DCDC1: variants seen among roughly 807,000 people sequenced by gnomAD.
The protein encoded by DCDC1 is doublecortin domain containing 1.
Under a neutral mutation model 178.3 loss-of-function variants are expected in DCDC1, and 200 were observed. The observed-to-expected ratio is 1.12, with a 90% CI of 1.00 to 1.26. The LOEUF is 1.26. Ranked by LOEUF, DCDC1 falls within the 50% of genes most tolerant of loss-of-function variation. The probability of loss-of-function intolerance (pLI) is 0.00; values close to 1 mark genes in which losing one functional copy is unlikely to be tolerated. For synonymous variants in DCDC1, 690 were observed against 604.8 expected (o/e 1.14, Z -2.07); for missense variants, 1,983 against 1,749.2 (o/e 1.13, Z -2.38).
intron 20 of DCDC1, among the ~76,000 whole-genome samples, chr11:31,019,737 C>T (rs1590781774): frequency 6.6e-6 from 1 of 152,298 alleles, no homozygotes; most frequent in East Asian, 1.9e-4. Context: ...ATATCCAGAT[C>T]TCCATGCTCA....
At chr11:31,160,484 T>C (rs1966211727) in intron 9 of DCDC1, among the ~76,000 whole-genome samples, 1 of 152,182 alleles carries the variant, frequency 6.6e-6, no homozygotes, top group African/African-American at 2.4e-5. Flanking sequence ...GTTTTCATGC[T>C]AGATCATCTG....
chr11:31,302,286 C>A (rs981506197), intron 6 of DCDC1, among the ~76,000 whole-genome samples: 22 of 152,270 alleles, frequency 1.4e-4, no homozygotes, highest in East Asian at 7.7e-4. Context: ...GAACTGAACT[C>A]TTATAAACCC....
intron 2 of DCDC1, among the ~76,000 whole-genome samples, chr11:31,331,865 T>C (rs1182221705): frequency 6.6e-6 from 1 of 152,060 alleles, no homozygotes; most frequent in Non-Finnish European, 1.5e-5. Context: ...CTCTGTCAGG[T>C]TTTGGTATCA....
At chr11:31,358,422 T>C (rs901915632) in intron 1 of DCDC1, among the ~76,000 whole-genome samples, 2 of 151,928 alleles carry the variant, frequency 1.3e-5, no homozygotes, top group African/African-American at 4.8e-5. Flanking sequence ...CCTTACACCT[T>C]ATACAAAAAT....
rs777960531 is a variant in DCDC1 at position 30,903,697 on chromosome 11, G to A, written c.4309-14C>T. ...TTCTGTAAGAAGCTAGATAACACAG[G>A]CAGTAAGGATCTGACAGGCAAAGGT... On this transcript the variant is annotated splice_polypyrimidine_tract_variant and intron_variant, in intron 31 of 38. Coordinates refer to ENST00000684477, the MANE Select transcript of DCDC1 (RefSeq NM_001387274.1). 6.4e-7 allele frequency: 1 copy of A among 1,574,620 alleles called. No homozygotes were observed. Among genetic ancestry groups the A allele is most frequent in the South Asian group, 1.2e-5 (1 of 83,182 alleles).
rs754570496 is a variant in DCDC1 at position 31,077,929 on chromosome 11, T to C, written c.2238-4A>G. On this transcript the variant is annotated splice_polypyrimidine_tract_variant and splice_region_variant and intron_variant, in intron 17 of 38. Transcript: ENST00000684477. ...CTGAGAGTCATCTCCACTATGTCTG[T>C]AACGAAAATGTAATTTAGAGATTGA... 4 of 765,882 alleles carry C rather than the reference T, an allele frequency of 5.2e-6. No individual in the cohort carries two copies. The highest frequency in any genetic ancestry group is 7.2e-6 in the Non-Finnish European group (3 of 417,670). 47.4% of individuals were successfully genotyped at this position (765,882 alleles called of 1,614,324 possible).
At chr11:30,983,981 T>C (rs1950514969) in intron 20 of DCDC1, among the ~76,000 whole-genome samples, 1 of 152,212 alleles carries the variant, frequency 6.6e-6, no homozygotes, top group Non-Finnish European at 1.5e-5. Flanking sequence ...AAGACTGGGT[T>C]CTCCTTTATA....
At chr11:31,256,009 A>C (rs886715923) in intron 8 of DCDC1, among the ~76,000 whole-genome samples, 5 of 152,120 alleles carry the variant, frequency 3.3e-5, no homozygotes, top group Admixed American at 1.3e-4. Context: ...TTATGATGTG[A>C]AGTATGGGTC....
In DCDC1 at chr11:31,094,046, G is replaced by T. The variant is rs375510209; in HGVS notation, c.2118+4C>A. 6.5e-6 allele frequency: 5 copies of T among 765,976 alleles called. No individual in the cohort carries two copies. Among genetic ancestry groups the T allele is most frequent in the East Asian group, 2.4e-5 (1 of 41,208 alleles). 47.4% of individuals were successfully genotyped at this position (765,976 alleles called of 1,614,324 possible). A position where few individuals can be genotyped will look rare whatever the true frequency, so the allele number is the denominator to read the frequency against. Reference sequence around the variant, plus strand: ...ACTCAGCAAAAGCAGACACTCTTAGGTACCTTGGTGATCAGCCACACACTG... The same window carrying T: ...ACTCAGCAAAAGCAGACACTCTTAGTTACCTTGGTGATCAGCCACACACTG... On this transcript the variant is annotated splice_donor_region_variant and intron_variant, in intron 16 of 38. Coordinates refer to ENST00000684477, the MANE Select transcript of DCDC1 (RefSeq NM_001387274.1).
At chr11:31,040,128 CT>C (rs1954335630) in intron 20 of DCDC1, among the ~76,000 whole-genome samples, 1 of 150,926 alleles carries the variant, frequency 6.6e-6, no homozygotes, top group Non-Finnish European at 1.5e-5. Context: ...ATGGTCAAAA[CT>C]AAAAAAAAAT....
Position 30,878,623 on chromosome 11 carries a change from T to C in DCDC1, c.5322A>G (p.Pro1774=), listed in dbSNP as rs1321628605. ...GPQATDIVVS[P]STKLLSLAHL... Reference sequence around the variant, plus strand: ...GTGCCAGAGACAGCAGCTTCGTGGATGGTGACACCACAATGTCTGTGGCTT... The same window carrying C: ...GTGCCAGAGACAGCAGCTTCGTGGACGGTGACACCACAATGTCTGTGGCTT... The change falls in exon 38 of 39, where the codon CCA becomes CCG. Residue 1774 remains proline, a synonymous_variant. Transcript: ENST00000684477. 1.2e-6 allele frequency: 2 copies of C among 1,610,794 alleles called. No individual in the cohort carries two copies. The highest frequency in any genetic ancestry group is 2.7e-5 in the African/African-American group (2 of 74,490).
intron 3 of DCDC1, among the ~76,000 whole-genome samples, chr11:31,320,692 TG>T (rs1302910400): frequency 1.2e-4 from 3 of 25,544 alleles, no homozygotes; most frequent in African/African-American, 2.2e-4. Context: ...GTTCTGTTGC[TG>T]GTGAGGAACT....
chr11:30,933,044 A>G (rs948895393), intron 21 of DCDC1, among the ~76,000 whole-genome samples: 1 of 151,856 alleles, frequency 6.6e-6, no homozygotes, highest in Non-Finnish European at 1.5e-5. Flanking sequence ...ATCTCCTGTT[A>G]ATCTGCAATG....
At chr11:30,977,033 A>G (rs967846641) in intron 20 of DCDC1, among the ~76,000 whole-genome samples, 1 of 152,216 alleles carries the variant, frequency 6.6e-6, no homozygotes, top group African/African-American at 2.4e-5. Flanking sequence ...TTGCAGCAAC[A>G]TAGATGAAAC....
At chr11:31,306,468 T>C (rs1948466766) in intron 4 of DCDC1, 80 bp from the exon 5 acceptor site, 7 of 1,399,414 alleles carry the variant, frequency 5.0e-6, no homozygotes, top group Non-Finnish European at 6.6e-6. Flanking sequence ...TGGATTTTTT[T>C]AAACAGATAT....
chr11:30,888,856 G>A (rs1230899741), intron 36 of DCDC1, among the ~76,000 whole-genome samples: 1 of 152,198 alleles, frequency 6.6e-6, no homozygotes, highest in African/African-American at 2.4e-5. Context: ...CAAAGTTCAT[G>A]ATGAAGAAAC....
At chr11:31,039,547 C>T (rs947920371) in intron 20 of DCDC1, among the ~76,000 whole-genome samples, 1 of 151,958 alleles carries the variant, frequency 6.6e-6, no homozygotes, top group Middle Eastern at 3.2e-3. Flanking sequence ...ATGAAGTCCT[C>T]GCCAACAACA....
At chr11:31,146,977 C>T (rs540110664) in intron 9 of DCDC1, among the ~76,000 whole-genome samples, 3 of 152,264 alleles carry the variant, frequency 2.0e-5, no homozygotes, top group East Asian at 3.9e-4. Flanking sequence ...TAGGTTGCTA[C>T]AGCATAGCTT....
intron 15 of DCDC1, among the ~76,000 whole-genome samples, chr11:31,100,369 C>A (rs1422287386): frequency 2.0e-5 from 3 of 152,136 alleles, no homozygotes; most frequent in Non-Finnish European, 4.4e-5. Context: ...TAAGACAATG[C>A]CTGTGCCCAA....
Sources: gnomAD v4.1 joint callset for allele counts (sites outside exome capture counted in the v4.1 genomes callset) on GRCh38, gnomAD v4.1.1 for gene constraint, MANE v1.5 for transcripts, NCBI Gene and HGNC (gene_info 2026-07-23, HGNC 2026-07-21) for gene names.